Variants in CACNA1C observed in about 807,000 individuals in gnomAD.
CACNA1C encodes calcium voltage-gated channel subunit alpha1 C.
CACNA1C carries 30 observed loss-of-function variants against 229.0 expected under a neutral mutation model. The ratio of observed to expected loss-of-function variants is 0.13; its 90% CI spans 0.10 to 0.18. CACNA1C has a LOEUF of 0.18. Among genes scored for constraint, CACNA1C ranks in the 10% least tolerant of loss-of-function variants. The pLI, the probability that CACNA1C is intolerant of heterozygous loss-of-function variation, is 1.00. For synonymous variants in CACNA1C, 1,114 were observed against 1,132.5 expected (o/e 0.98, Z 0.33); for missense variants, 1,658 against 2,845.0 (o/e 0.58, Z 9.49).
At chr12:2,102,157 AT>A (rs2076671763) in intron 1 of CACNA1C, among the ~76,000 whole-genome samples, 1 of 152,236 alleles carries the variant, frequency 6.6e-6, no homozygotes, top group African/African-American at 2.4e-5. Flanking sequence ...TACATTGAAC[AT>A]ATGGCAAACA....
chr12:2,409,220 A>G (rs779834071), intron 3 of CACNA1C, among the ~76,000 whole-genome samples: 3 of 152,222 alleles, frequency 2.0e-5, no homozygotes, highest in Non-Finnish European at 4.4e-5. Flanking sequence ...GCACCCTGGT[A>G]AAAGCAATGG....
At chr12:2,180,027 T>C (rs2096785909) in intron 3 of CACNA1C, among the ~76,000 whole-genome samples, 1 of 152,252 alleles carries the variant, frequency 6.6e-6, no homozygotes, top group Non-Finnish European at 1.5e-5. Flanking sequence ...AGGCAGGCCC[T>C]CCAACTGCCT....
chr12:2,657,070 A>C (rs1569094005), intron 34 of CACNA1C, among the ~76,000 whole-genome samples: 1 of 152,346 alleles, frequency 6.6e-6, no homozygotes, highest in East Asian at 1.9e-4. Flanking sequence ...AAGGACCCAT[A>C]AAGTTTACTC....
chr12:2,408,884 C>T (rs989970433), intron 3 of CACNA1C, among the ~76,000 whole-genome samples: 1 of 152,214 alleles, frequency 6.6e-6, no homozygotes, highest in African/African-American at 2.4e-5. Flanking sequence ...TATTTCTAGA[C>T]ATTTCCAGGG....
intron 46 of CACNA1C, 156 bp from the exon 47 acceptor site, chr12:2,690,743 TG>T: frequency 1.5e-6 from 1 of 680,100 alleles, no homozygotes. Context: ...TTGTTCCCCA[TG>T]GGTGCCCCTC....
rs1324106263 is a variant in CACNA1C at position 2,597,362 on chromosome 12, C to G, written c.2853+73C>G. On this transcript the variant is annotated intron_variant, in intron 21 of 46. Coordinates refer to ENST00000399655, the MANE Select transcript of CACNA1C (RefSeq NM_000719.7). This position sits in a 1 kb window ranked among gnomAD's most constrained non-coding sequence, Gnocchi z 4.3. The stretch of plus-strand genomic sequence containing the variant: ...ACCAGGTCTCTGCCGCTGTCTGTCG[C>G]TAACACACATGCTCCTTCCTGTTGG... 2 of 1,499,540 alleles carry G rather than the reference C, an allele frequency of 1.3e-6. No individual in the cohort carries two copies. The highest frequency in any genetic ancestry group is 1.9e-6 in the Non-Finnish European group (2 of 1,075,586). The allele number at this position is 1,499,540 out of a possible 1,614,324, so 92.9% of individuals were successfully genotyped here. A position where few individuals can be genotyped will look rare whatever the true frequency, so the allele number is the denominator to read the frequency against.
rs926381608 is a variant in CACNA1C at position 2,031,197 on chromosome 12, C to G, written c.139+59996C>G. On this transcript the variant is annotated intron_variant, in intron 1 of 46. Coordinates refer to the CACNA1C transcript ENST00000682462. ...GGTTCTTGCCTACCAGGCAGACCCT[C>G]TCCTCCTCATCCGAATTGGAGGGTC... Among the ~76,000 whole-genome samples the G allele has an allele frequency of 1.3e-5, 2 of 152,332 alleles. 1 individual carries two copies. The highest frequency in any genetic ancestry group is 6.8e-3 in the Middle Eastern group (2 of 294).
In CACNA1C at chr12:2,653,515, T is replaced by C. The variant is rs1425924813; in HGVS notation, c.4075-320T>C. 1.3e-5 allele frequency among the ~76,000 whole-genome samples: 2 copies of C among 152,204 alleles called. No homozygotes were observed. Among genetic ancestry groups the C allele is most frequent in the African/African-American group, 4.8e-5 (2 of 41,442 alleles). On this transcript the variant is annotated intron_variant, in intron 32 of 46. Coordinates refer to ENST00000399655, the MANE Select transcript of CACNA1C (RefSeq NM_000719.7). This position sits in a 1 kb window ranked among gnomAD's most constrained non-coding sequence, Gnocchi z 4.7. ...GCGGGGTGCTGTCCTCCACGATTTC[T>C]CCTGCCTCGTACAGACACACCGCAC... is the stretch of plus-strand genomic sequence containing the variant.
At chr12:2,173,107 A>G (rs1039645594) in intron 3 of CACNA1C, among the ~76,000 whole-genome samples, 23 of 152,192 alleles carry the variant, frequency 1.5e-4, no homozygotes, top group African/African-American at 5.1e-4. Context: ...GGAAGAGTGC[A>G]GGAGTTTCCG....
At chr12:2,375,161 A>G (rs1349005228) in intron 3 of CACNA1C, among the ~76,000 whole-genome samples, 1 of 152,146 alleles carries the variant, frequency 6.6e-6, no homozygotes, top group Non-Finnish European at 1.5e-5. Context: ...CTTCTCACAC[A>G]CTGCCCTTCT....
At chr12:2,193,044 A>C (rs763653518) in intron 3 of CACNA1C, among the ~76,000 whole-genome samples, 7 of 152,248 alleles carry the variant, frequency 4.6e-5, no homozygotes, top group Non-Finnish European at 8.8e-5. Flanking sequence ...TGCAGGGTAC[A>C]CCCAGGAGAA....
intron 3 of CACNA1C, among the ~76,000 whole-genome samples, chr12:2,379,128 C>T (rs1408678994): frequency 1.3e-5 from 2 of 152,198 alleles, no homozygotes; most frequent in Admixed American, 1.3e-4. Context: ...AAGGGCCTCT[C>T]TTGGCAATGT....
chr12:2,251,038 C>T (rs2075401063), intron 3 of CACNA1C, among the ~76,000 whole-genome samples: 1 of 152,182 alleles, frequency 6.6e-6, no homozygotes, highest in Non-Finnish European at 1.5e-5. Flanking sequence ...TTGGCTCAGC[C>T]CGTCTGCAGA....
At chr12:2,600,345 G>C (rs1326737707) in intron 21 of CACNA1C, among the ~76,000 whole-genome samples, 1 of 152,186 alleles carries the variant, frequency 6.6e-6, no homozygotes, top group Admixed American at 6.5e-5. Flanking sequence ...GGGACCCCCT[G>C]CTGCAAGAGA....
At chr12:2,069,650 C>T (rs1820578548) in intron 1 of CACNA1C, among the ~76,000 whole-genome samples, 1 of 152,186 alleles carries the variant, frequency 6.6e-6, no homozygotes, top group African/African-American at 2.4e-5. Context: ...TCTGACCTTC[C>T]TACCATATGA....
intron 3 of CACNA1C, among the ~76,000 whole-genome samples, chr12:2,185,488 GA>G (rs2096969688): frequency 6.6e-6 from 1 of 152,252 alleles, no homozygotes; most frequent in Non-Finnish European, 1.5e-5. Context: ...GGTCTTTAAA[GA>G]GGTGATTAAG....
Position 2,045,854 on chromosome 12 carries a change from A to G in CACNA1C, c.140-69370A>G, listed in dbSNP as rs1182514306. ...CAGGAAAAAGGGTCTTTGCAGATGT[A>G]ATTAACTTAAGAATTTTGAGATGAA... On this transcript the variant is annotated intron_variant, in intron 1 of 46. Transcript: ENST00000682462. Among the ~76,000 whole-genome samples the G allele has an allele frequency of 2.0e-5, 3 of 151,878 alleles. 1 individual carries two copies. Among genetic ancestry groups the G allele is most frequent in the Admixed American group, 1.3e-4 (2 of 15,256 alleles).
chr12:2,514,275 C>T (rs1274196210), intron 9 of CACNA1C, among the ~76,000 whole-genome samples: 1 of 152,314 alleles, frequency 6.6e-6, no homozygotes, highest in South Asian at 2.1e-4. Context: ...TCTGCTCCCT[C>T]ATTTCAAAGA....
Position 2,595,819 on chromosome 12 carries a change from T to G in CACNA1C, c.2664-55T>G, listed in dbSNP as rs1376869627. On this transcript the variant is annotated intron_variant, in intron 19 of 46. Coordinates refer to ENST00000399655, the MANE Select transcript of CACNA1C (RefSeq NM_000719.7). This position sits in a 1 kb window ranked among gnomAD's most constrained non-coding sequence, Gnocchi z 4.1. ...AGAGGGGCTCCCAAGAGCCGACTGGTGCTTCCCCTTGTCTGCCTTGACTTG... is the reference window on the plus strand; with the variant it reads ...AGAGGGGCTCCCAAGAGCCGACTGGGGCTTCCCCTTGTCTGCCTTGACTTG... 5.7e-6 allele frequency: 9 copies of G among 1,584,874 alleles called. No homozygotes were observed. Among genetic ancestry groups the G allele is most frequent in the Non-Finnish European group, 7.7e-6 (9 of 1,161,732 alleles).
Sources: allele counts gnomAD v4.1 joint callset (sites outside exome capture counted in the v4.1 genomes callset), GRCh38; gene constraint gnomAD v4.1.1; non-coding constraint Gnocchi (gnomAD v3.1); transcripts MANE v1.5; gene names NCBI Gene and HGNC (gene_info 2026-07-23, HGNC 2026-07-21).